NEGR1: variants seen among roughly 807,000 people sequenced by gnomAD.
The protein encoded by NEGR1 is IgLON family member 4.
In NEGR1, 10 loss-of-function variants were observed where a neutral mutation model predicts 40.9. That is an observed-to-expected ratio of 0.24 (90% confidence interval 0.15 to 0.42). NEGR1 has a LOEUF of 0.42. Ranked by LOEUF, NEGR1 falls within the 10% of genes least tolerant of loss-of-function variation. The probability of loss-of-function intolerance (pLI) is 1.00; values close to 1 mark genes in which losing one functional copy is unlikely to be tolerated. For missense variants in NEGR1, 352 were observed against 438.9 expected (o/e 0.80, Z 1.77); for synonymous variants, 185 against 166.8 (o/e 1.11, Z -0.84).
chr1:72,107,258 T>C (rs1413672360), intron 1 of NEGR1, among the ~76,000 whole-genome samples: 1 of 151,736 alleles, frequency 6.6e-6, no homozygotes, highest in Non-Finnish European at 1.5e-5. Context: ...ATGAATAGAA[T>C]GTTCTAATAC....
chr1:72,274,478 G>T, intron 1 of NEGR1: 1 of 607,592 alleles, frequency 1.6e-6, no homozygotes, highest in Non-Finnish European at 3.0e-6. Context: ...GAAGCACATA[G>T]CTACACTGAT....
intron 2 of NEGR1, among the ~76,000 whole-genome samples, chr1:71,869,123 C>T (rs183905315): frequency 6.6e-6 from 1 of 152,142 alleles, no homozygotes; most frequent in Non-Finnish European, 1.5e-5. Context: ...AGGCAGAATC[C>T]TTTCATGACT....
At chr1:71,736,907 G>T in intron 3 of NEGR1, among the ~76,000 whole-genome samples, 1 of 152,256 alleles carries the variant, frequency 6.6e-6, no homozygotes, top group Admixed American at 6.5e-5. Context: ...AACTAAAAAT[G>T]CCAACTGGTA....
chr1:71,500,866 A>G (rs148430823), intron 6 of NEGR1, among the ~76,000 whole-genome samples: 1 of 151,974 alleles, frequency 6.6e-6, no homozygotes, highest in African/African-American at 2.4e-5. Context: ...TTGTTATACT[A>G]TATGTTTTAT....
intron 6 of NEGR1, among the ~76,000 whole-genome samples, chr1:71,505,569 C>T (rs1266988737): frequency 1.3e-5 from 2 of 152,234 alleles, no homozygotes; most frequent in East Asian, 3.9e-4. Context: ...GCGTGAGCCA[C>T]CGCGCCCGGC....
chr1:72,144,085 TA>T (rs71722607), intron 1 of NEGR1, among the ~76,000 whole-genome samples: 1,715 of 103,924 alleles, frequency 0.017, 26 homozygotes, highest in African/African-American at 0.057. Context: ...ATTTTTTTTT[TA>T]AAAAAGGAAA....
At chr1:72,132,920 A>G (rs1165687548) in intron 1 of NEGR1, among the ~76,000 whole-genome samples, 2 of 152,104 alleles carry the variant, frequency 1.3e-5, no homozygotes, top group South Asian at 4.1e-4. Flanking sequence ...GTTTTCTTCA[A>G]GTTATTCTTG....
At chr1:71,530,083 T>G (rs1221447593) in intron 6 of NEGR1, among the ~76,000 whole-genome samples, 1 of 151,306 alleles carries the variant, frequency 6.6e-6, no homozygotes, top group East Asian at 1.9e-4. Context: ...CCACTTTATC[T>G]CTGCTTTAAC....
intron 6 of NEGR1, among the ~76,000 whole-genome samples, chr1:71,428,953 A>T (rs1646447328): frequency 6.6e-6 from 1 of 152,148 alleles, no homozygotes; most frequent in Non-Finnish European, 1.5e-5. Context: ...TCTAATAAAA[A>T]GGAAGAAAAG....
chr1:71,439,850 T>C (rs922651277), intron 6 of NEGR1: 6 of 151,996 alleles, frequency 3.9e-5, no homozygotes, highest in Non-Finnish European at 7.4e-5. Flanking sequence ...TGTAGATATA[T>C]ACATATAGGC....
intron 1 of NEGR1, among the ~76,000 whole-genome samples, chr1:71,943,712 T>C (rs747149555): frequency 7.2e-5 from 11 of 152,180 alleles, no homozygotes; most frequent in Non-Finnish European, 1.5e-4. Flanking sequence ...TATCAAAATA[T>C]CTTCATTTTT....
intron 1 of NEGR1, among the ~76,000 whole-genome samples, chr1:72,033,758 GT>G (rs1646879118): frequency 6.6e-6 from 1 of 152,052 alleles, no homozygotes; most frequent in African/African-American, 2.4e-5. Context: ...ATATTGCCTA[GT>G]AAAAGCATGG....
At chr1:71,416,592 A>G (rs988259292) in intron 6 of NEGR1, among the ~76,000 whole-genome samples, 6 of 152,196 alleles carry the variant, frequency 3.9e-5, no homozygotes. Flanking sequence ...GTTCTTCTCA[A>G]TGATTCTCTA....
At chr1:71,928,576 A>AT (rs555440198) in intron 2 of NEGR1, among the ~76,000 whole-genome samples, 11 of 149,214 alleles carry the variant, frequency 7.4e-5, no homozygotes, top group East Asian at 2.0e-4. Context: ...ACCTATATAT[A>AT]TTTTTTTTCC....
intron 1 of NEGR1, among the ~76,000 whole-genome samples, chr1:72,051,742 A>G (rs1383720658): frequency 6.6e-6 from 1 of 151,330 alleles, no homozygotes; most frequent in African/African-American, 2.4e-5. Context: ...GTGACTCACT[A>G]TTTTCTAAGC....
intron 1 of NEGR1, among the ~76,000 whole-genome samples, chr1:72,106,488 A>G (rs1649138731): frequency 6.6e-6 from 1 of 152,070 alleles, no homozygotes; most frequent in Non-Finnish European, 1.5e-5. Flanking sequence ...TACTCATACT[A>G]AATTTCAGAT....
chr1:71,604,094 A>G (rs1281771458), intron 5 of NEGR1, among the ~76,000 whole-genome samples: 4 of 152,166 alleles, frequency 2.6e-5, no homozygotes, highest in Non-Finnish European at 5.9e-5. Flanking sequence ...AGCCAGTTTC[A>G]TATCTCCCAT....
chr1:71,799,421 C>T (rs12753992), intron 2 of NEGR1, among the ~76,000 whole-genome samples: 9,560 of 152,222 alleles, frequency 0.063, 416 homozygotes, highest in Non-Finnish European at 0.092. Context: ...ATACGTGCCA[C>T]ATTTTCTTTA....
intron 1 of NEGR1, among the ~76,000 whole-genome samples, chr1:72,216,805 A>G (rs561375753): frequency 1.3e-5 from 2 of 151,696 alleles, no homozygotes; most frequent in South Asian, 4.2e-4. Context: ...AGAACATAAT[A>G]AAAGTTAGTT....
Sources: gnomAD v4.1 joint callset for allele counts (sites outside exome capture counted in the v4.1 genomes callset) on GRCh38, gnomAD v4.1.1 for gene constraint, MANE v1.5 for transcripts, NCBI Gene and HGNC (gene_info 2026-07-23, HGNC 2026-07-21) for gene names.